Variants in NRXN3 observed in about 807,000 individuals in gnomAD.
NRXN3 encodes the protein neurexin 3.
In NRXN3, 32 loss-of-function variants were observed where a neutral mutation model predicts 137.6. The ratio of observed to expected loss-of-function variants is 0.23; its 90% CI spans 0.18 to 0.31. The LOEUF is 0.31. Ranked by LOEUF, NRXN3 falls within the 10% of genes least tolerant of loss-of-function variation. NRXN3 has a pLI of 1.00. For synonymous variants in NRXN3, 798 were observed against 784.5 expected (o/e 1.02, Z -0.29); for missense variants, 1,574 against 2,062.5 (o/e 0.76, Z 4.59).
In NRXN3 at chr14:79,467,360, C is replaced by T. The variant is rs1410795915; in HGVS notation, c.3402C>T (p.Ile1134=). The T allele has an allele frequency of 9.3e-6, 15 of 1,611,936 alleles. No homozygotes were observed. Among genetic ancestry groups the T allele is most frequent in the Admixed American group, 1.7e-5 (1 of 59,944 alleles). Reference sequence around the variant, plus strand: ...TGAAGGATGGCATCTTGGTCCGCATCGACAGTGCTCCAGGACTTGGTGACT... The same window carrying T: ...TGAAGGATGGCATCTTGGTCCGCATTGACAGTGCTCCAGGACTTGGTGACT... ...TTVKDGILVR[I]DSAPGLGDFL... Residue 1134 remains isoleucine (I), a synonymous_variant, in exon 16 of 21, where the codon ATC becomes ATT. Transcript: ENST00000335750.
At chr14:79,401,125 A>T (rs914813613) in intron 15 of NRXN3, among the ~76,000 whole-genome samples, 1 of 152,160 alleles carries the variant, frequency 6.6e-6, no homozygotes, top group Admixed American at 6.6e-5. Flanking sequence ...TTCAGGAAGG[A>T]TTATTACAGG....
chr14:78,797,996 A>T (rs950594348), intron 8 of NRXN3, among the ~76,000 whole-genome samples: 1 of 152,196 alleles, frequency 6.6e-6, no homozygotes, highest in Admixed American at 6.5e-5. Context: ...CTACAACTCA[A>T]GATGAGATTT....
intron 16 of NRXN3, among the ~76,000 whole-genome samples, chr14:79,603,754 T>C (rs970017635): frequency 6.6e-6 from 1 of 152,182 alleles, no homozygotes; most frequent in Admixed American, 6.5e-5. Context: ...ATTTCTTCAG[T>C]TAATGAAAAC....
At chr14:79,435,926 A>G (rs1448425598) in intron 15 of NRXN3, among the ~76,000 whole-genome samples, 1 of 152,028 alleles carries the variant, frequency 6.6e-6, no homozygotes, top group African/African-American at 2.4e-5. Context: ...GAACCACCAC[A>G]CTTGGCAAAT....
chr14:79,710,755 A>G (rs1191812519), intron 19 of NRXN3, among the ~76,000 whole-genome samples: 1 of 152,038 alleles, frequency 6.6e-6, no homozygotes, highest in Non-Finnish European at 1.5e-5. Flanking sequence ...GGGCACTTGA[A>G]CAACATCAGT....
At chr14:78,582,353 T>G (rs1015791724) in intron 4 of NRXN3, among the ~76,000 whole-genome samples, 1 of 152,376 alleles carries the variant, frequency 6.6e-6, no homozygotes, top group East Asian at 1.9e-4. Flanking sequence ...GCTGATTCTT[T>G]ATCTTTTACC....
chr14:78,785,977 A>G (rs2098788183), intron 8 of NRXN3, among the ~76,000 whole-genome samples: 1 of 152,182 alleles, frequency 6.6e-6, no homozygotes, highest in Non-Finnish European at 1.5e-5. Context: ...TTACAGTCAA[A>G]ATGATTATCC....
At chr14:78,263,269 G>A (rs1003789868) in intron 2 of NRXN3, among the ~76,000 whole-genome samples, 1 of 152,128 alleles carries the variant, frequency 6.6e-6, no homozygotes, top group African/African-American at 2.4e-5. Context: ...GCAGATGTTA[G>A]CTTCGTTTCC....
intron 16 of NRXN3, among the ~76,000 whole-genome samples, chr14:79,602,316 A>G (rs1387066930): frequency 6.6e-6 from 1 of 152,234 alleles, no homozygotes; most frequent in Non-Finnish European, 1.5e-5. Context: ...AAGCTGTTTT[A>G]TAGCTCCAAG....
intron 15 of NRXN3, among the ~76,000 whole-genome samples, chr14:79,344,608 C>T (rs919605795): frequency 3.3e-5 from 5 of 152,008 alleles, no homozygotes; most frequent in Admixed American, 1.3e-4. Flanking sequence ...CTAATTAAAA[C>T]AATTATACAT....
At chr14:78,668,930 A>ATCTGTCTGTCTG (rs58936637) in intron 6 of NRXN3, among the ~76,000 whole-genome samples, 16 of 149,274 alleles carry the variant, frequency 1.1e-4, no homozygotes, top group African/African-American at 3.6e-4. Context: ...CTATCTATCT[A>ATCTGTCTGTCTG]TCTGTCTGTC....
intron 16 of NRXN3, among the ~76,000 whole-genome samples, chr14:79,477,229 AG>A (rs1295084551): frequency 2.0e-5 from 3 of 152,090 alleles, no homozygotes; most frequent in African/African-American, 7.2e-5. Flanking sequence ...AAGGAAATAC[AG>A]GATGTGTTCT....
chr14:78,444,576 G>A (rs988325070), intron 4 of NRXN3, among the ~76,000 whole-genome samples: 2 of 152,120 alleles, frequency 1.3e-5, no homozygotes, highest in African/African-American at 4.8e-5. Flanking sequence ...AGGACCCAAG[G>A]TGTTTCCCAT....
At chr14:79,562,113 G>T (rs2097503432) in intron 16 of NRXN3, among the ~76,000 whole-genome samples, 1 of 152,004 alleles carries the variant, frequency 6.6e-6, no homozygotes, top group African/African-American at 2.4e-5. Flanking sequence ...TTTACACAGG[G>T]TTCTCCTCTA....
intron 15 of NRXN3, among the ~76,000 whole-genome samples, chr14:79,052,539 C>CT (rs1047412975): frequency 2.0e-5 from 3 of 152,200 alleles, no homozygotes; most frequent in African/African-American, 7.2e-5. Context: ...AGACACAAAG[C>CT]TTGGCCTGAG....
intron 17 of NRXN3, among the ~76,000 whole-genome samples, chr14:79,665,044 T>C (rs887154223): frequency 6.6e-6 from 1 of 152,190 alleles, no homozygotes; most frequent in Admixed American, 6.5e-5. Flanking sequence ...GTGAGAAAGA[T>C]ACAAAGTGAA....
chr14:78,425,011 T>G (rs1171134802), intron 4 of NRXN3, among the ~76,000 whole-genome samples: 1 of 152,194 alleles, frequency 6.6e-6, no homozygotes, highest in Non-Finnish European at 1.5e-5. Flanking sequence ...TGTCTGATTT[T>G]CTCAGCTTCC....
At chr14:79,096,111 T>G (rs2050275850) in intron 15 of NRXN3, among the ~76,000 whole-genome samples, 1 of 142,674 alleles carries the variant, frequency 7.0e-6, no homozygotes. Context: ...TATTCTATTC[T>G]TTTTTTTTTT....
At chr14:79,108,369 C>A (rs1375843246) in intron 15 of NRXN3, among the ~76,000 whole-genome samples, 2 of 152,096 alleles carry the variant, frequency 1.3e-5, no homozygotes, top group Non-Finnish European at 2.9e-5. Flanking sequence ...AAGACTATAT[C>A]CATCATCCAG....
Sources: allele counts gnomAD v4.1 joint callset (sites outside exome capture counted in the v4.1 genomes callset), GRCh38; gene constraint gnomAD v4.1.1; transcripts MANE v1.5; gene names NCBI Gene and HGNC (gene_info 2026-07-23, HGNC 2026-07-21).